CUX2: variants seen among roughly 807,000 people sequenced by gnomAD.
CUX2 encodes the protein homeobox protein cut-like 2.
In CUX2, 40 loss-of-function variants were observed where a neutral mutation model predicts 144.8. That is an observed-to-expected ratio of 0.28 (90% CI 0.21 to 0.36). The LOEUF is 0.36. CUX2 is among the 10% of genes least tolerant of loss of function. CUX2 has a pLI of 1.00. For missense variants in CUX2, 1,615 were observed against 1,994.0 expected (o/e 0.81, Z 3.62); for synonymous variants, 827 against 875.6 (o/e 0.94, Z 0.98).
intron 14 of CUX2, 120 bp from the exon 15 acceptor site, chr12:111,309,921 C>G (rs931011115): frequency 3.3e-6 from 3 of 904,084 alleles, no homozygotes; most frequent in Non-Finnish European, 2.9e-6. Flanking sequence ...CTCTCTGTCT[C>G]TCTTTCTCGT....
chr12:111,168,139 G>A (rs1037006977), intron 1 of CUX2, among the ~76,000 whole-genome samples: 9 of 152,158 alleles, frequency 5.9e-5, no homozygotes, highest in Admixed American at 3.9e-4. Context: ...CCTGACAGAT[G>A]TGCACCGTCT....
At chr12:111,109,637 A>G (rs1365883355) in intron 1 of CUX2, among the ~76,000 whole-genome samples, 1 of 152,152 alleles carries the variant, frequency 6.6e-6, no homozygotes, top group Non-Finnish European at 1.5e-5. Context: ...TAGAGACCAC[A>G]GTCTGGGTGC....
chr12:111,332,025 G>A (rs1041005466), intron 18 of CUX2, among the ~76,000 whole-genome samples: 15 of 150,884 alleles, frequency 9.9e-5, no homozygotes, highest in African/African-American at 2.7e-4. Flanking sequence ...GTTGCAGTGC[G>A]CCAAGATCAT....
At chr12:111,175,156 A>T (rs1042742887) in intron 1 of CUX2, among the ~76,000 whole-genome samples, 1 of 152,188 alleles carries the variant, frequency 6.6e-6, no homozygotes, top group African/African-American at 2.4e-5. Flanking sequence ...GCTGAGTTTT[A>T]TCACAAATCA....
At chr12:111,090,220 G>T (rs1317005915) in intron 1 of CUX2, among the ~76,000 whole-genome samples, 8 of 152,228 alleles carry the variant, frequency 5.3e-5, no homozygotes, top group African/African-American at 1.9e-4. Context: ...GAGCATCTCA[G>T]GTGAGCGAGG....
intron 15 of CUX2, 111 bp from the exon 16 acceptor site, chr12:111,311,988 TG>T: frequency 1.3e-6 from 1 of 763,342 alleles, no homozygotes; most frequent in Non-Finnish European, 2.1e-6. Flanking sequence ...ATCTCACTGA[TG>T]GTCTGACCCT....
intron 1 of CUX2, among the ~76,000 whole-genome samples, chr12:111,089,828 A>C (rs1872455934): frequency 6.6e-6 from 1 of 152,254 alleles, no homozygotes; most frequent in African/African-American, 2.4e-5. Flanking sequence ...AGCAGAACCT[A>C]GTCACTGTGG....
At chr12:111,078,283 A>C (rs73413537) in intron 1 of CUX2, among the ~76,000 whole-genome samples, 3,894 of 152,294 alleles carry the variant, frequency 0.026, 150 homozygotes, top group African/African-American at 0.089. Flanking sequence ...GCAGGAAAGA[A>C]AGGACAAAGT....
intron 3 of CUX2, among the ~76,000 whole-genome samples, chr12:111,241,048 G>T (rs923403310): frequency 2.0e-5 from 3 of 152,096 alleles, no homozygotes; most frequent in African/African-American, 7.2e-5. Flanking sequence ...AAAGAAAAGA[G>T]GGTTACTTGG....
intron 1 of CUX2, among the ~76,000 whole-genome samples, chr12:111,133,351 A>G (rs990351098): frequency 1.3e-5 from 2 of 152,212 alleles, no homozygotes; most frequent in Non-Finnish European, 2.9e-5. Flanking sequence ...ACTGGGAACA[A>G]AAAGAGGTTT....
chr12:111,051,577 T>C (rs989114213), intron 1 of CUX2, among the ~76,000 whole-genome samples: 9 of 152,110 alleles, frequency 5.9e-5, no homozygotes, highest in African/African-American at 1.9e-4. Flanking sequence ...GCTGTTTGCA[T>C]TATATATCTT....
Position 111,348,062 on chromosome 12 carries a change from G to A in CUX2, c.4198G>A (p.Ala1400Thr), listed in dbSNP as rs763594704. 2 of 1,614,014 alleles carry A rather than the reference G, an allele frequency of 1.2e-6. No individual in the cohort carries two copies. The highest frequency in any genetic ancestry group is 4.5e-5 in the East Asian group (2 of 44,880). The change falls in exon 22 of 22, where the codon GCC becomes ACC. Residue 1400 changes from alanine (A) to threonine (T), a missense_variant. Ala to Thr is a moderately conservative substitution (Grantham distance 58). Around this residue, in one of 12 missense-constraint regions of CUX2, gnomAD observed 298 missense variants for 330.4 expected, o/e 0.90. Coordinates refer to ENST00000261726, the MANE Select transcript of CUX2 (RefSeq NM_015267.4). ...GGAGGTGTCACTGAACTCGCCCTCG[G>A]CCGCCTCCTCACCAGGCCTCATGAT... Reference protein sequence around the residue: ...SLEVSLNSPSAASSPGLMMSV... With the variant: ...SLEVSLNSPSTASSPGLMMSV...
At chr12:111,082,804 G>C (rs568323557) in intron 1 of CUX2, among the ~76,000 whole-genome samples, 11 of 152,306 alleles carry the variant, frequency 7.2e-5, no homozygotes, top group African/African-American at 2.6e-4. Flanking sequence ...TGAGCAGACT[G>C]GTTTGGCTTG....
intron 3 of CUX2, among the ~76,000 whole-genome samples, chr12:111,227,507 T>A (rs1052618378): frequency 6.6e-6 from 1 of 152,194 alleles, no homozygotes; most frequent in African/African-American, 2.4e-5. Flanking sequence ...TGCTACCAGC[T>A]GAGCTCTGGA....
intron 1 of CUX2, among the ~76,000 whole-genome samples, chr12:111,087,163 C>T (rs920851982): frequency 1.3e-5 from 2 of 151,904 alleles, no homozygotes; most frequent in Non-Finnish European, 2.9e-5. Context: ...CATGACCAGC[C>T]TGGCCAACAT....
chr12:111,192,671 G>C (rs1378791743), intron 1 of CUX2, among the ~76,000 whole-genome samples: 1 of 152,226 alleles, frequency 6.6e-6, no homozygotes, highest in African/African-American at 2.4e-5. Context: ...GACCCAAAAA[G>C]TCCTGGTTAA....
At chr12:111,272,854 A>T (rs1428930069) in intron 4 of CUX2, among the ~76,000 whole-genome samples, 1 of 151,810 alleles carries the variant, frequency 6.6e-6, no homozygotes, top group Non-Finnish European at 1.5e-5. Flanking sequence ...TTTCCCCATG[A>T]CCCCCTGGCT....
At chr12:111,264,842 A>G (rs2339718) in intron 4 of CUX2, among the ~76,000 whole-genome samples, 52,979 of 152,028 alleles carry the variant, frequency 0.35, 10,661 homozygotes, top group African/African-American at 0.56. Flanking sequence ...CCAAGGCCAC[A>G]TAGTGTAGGA....
chr12:111,180,687 TC>T lies in CUX2; in HGVS notation c.64-33511del, dbSNP rs953913902. On this transcript the variant is annotated intron_variant, in intron 1 of 21. Coordinates refer to ENST00000261726, the MANE Select transcript of CUX2 (RefSeq NM_015267.4). Reference sequence around the variant, plus strand: ...GACTGAGGCCTCCAGTCCTCTCCTCTCCTGGACCTCTCAGCTCCTGCAGCTG... The same window carrying T: ...GACTGAGGCCTCCAGTCCTCTCCTCTCTGGACCTCTCAGCTCCTGCAGCTG... 4.3e-3 allele frequency among the ~76,000 whole-genome samples: 660 copies of T among 152,272 alleles called. 4 individuals are homozygous for T. The highest frequency in any genetic ancestry group is 0.015 in the African/African-American group (613 of 41,566).
Sources: gnomAD v4.1 joint callset for allele counts (sites outside exome capture counted in the v4.1 genomes callset) on GRCh38, gnomAD v4.1.1 for gene constraint, gnomAD v4.1.1 regional missense constraint, MANE v1.5 for transcripts, NCBI Gene and HGNC (gene_info 2026-07-23, HGNC 2026-07-21) for gene names.